C12orf56: variants seen among roughly 807,000 people sequenced by gnomAD.
The protein encoded by C12orf56 is chromosome 12 open reading frame 56.
In C12orf56, 71 loss-of-function variants were observed where a neutral mutation model predicts 69.9. The observed-to-expected ratio is 1.02, with a 90% CI of 0.84 to 1.24. C12orf56 has a LOEUF of 1.24. C12orf56 is among the 50% of genes most tolerant of loss of function. C12orf56 has a pLI of 0.00. For synonymous variants in C12orf56, 276 were observed against 274.1 expected, an observed-to-expected ratio of 1.01 and a Z score of -0.07; for missense variants, 732 against 738.5, an observed-to-expected ratio of 0.99 and a Z score of 0.10.
At chr12:64,381,384 A>G (rs370900803) in intron 1 of C12orf56, among the ~76,000 whole-genome samples, 6 of 152,364 alleles carry the variant, frequency 3.9e-5, no homozygotes, top group African/African-American at 1.4e-4. Context: ...AGAATCTTGT[A>G]GCCTCCAGCT....
intron 2 of C12orf56, among the ~76,000 whole-genome samples, chr12:64,334,607 A>G (rs2038969848): frequency 6.6e-6 from 1 of 152,206 alleles, no homozygotes; most frequent in African/African-American, 2.4e-5. Context: ...GTACATGTAC[A>G]ACACAGATGC....
chr12:64,328,572 C>T lies in C12orf56; in HGVS notation c.488+2388G>A, dbSNP rs1003641787. 1.1e-4 allele frequency among the ~76,000 whole-genome samples: 16 copies of T among 149,762 alleles called. No homozygotes were observed. In the East Asian group the frequency reaches 2.4e-3, roughly 22 times the overall value. ...GCGGGCGCCTGTAATCCCAGCTACT[C>T]GGGAGGCTGAGGCAGGAGAATCACT... On this transcript the variant is annotated intron_variant, in intron 3 of 12. Coordinates refer to ENST00000543942, the MANE Select transcript of C12orf56 (RefSeq NM_001170633.2).
chr12:64,339,161 C>T (rs1371342115), intron 2 of C12orf56, among the ~76,000 whole-genome samples: 3 of 152,124 alleles, frequency 2.0e-5, no homozygotes, highest in African/African-American at 7.2e-5. Flanking sequence ...TATGAAGTTT[C>T]CCCTGCCATG....
At chr12:64,369,433 A>C (rs1248488517) in intron 1 of C12orf56, among the ~76,000 whole-genome samples, 2 of 152,088 alleles carry the variant, frequency 1.3e-5, no homozygotes, top group Admixed American at 1.3e-4. Flanking sequence ...CCTGACTACA[A>C]GCGATCTGCC....
chr12:64,336,034 G>T (rs1341026921), intron 2 of C12orf56, among the ~76,000 whole-genome samples: 1 of 152,186 alleles, frequency 6.6e-6, no homozygotes, highest in Non-Finnish European at 1.5e-5. Flanking sequence ...TGGTCGAGTA[G>T]GTTTGGGCCT....
At chr12:64,323,565 CTT>C (rs375927934) in intron 3 of C12orf56, among the ~76,000 whole-genome samples, 18 of 130,754 alleles carry the variant, frequency 1.4e-4, no homozygotes, top group Admixed American at 3.2e-4. Flanking sequence ...CAAACATTTC[CTT>C]TTTTTTTTTT....
intron 4 of C12orf56, among the ~76,000 whole-genome samples, chr12:64,318,207 C>T (rs942317550): frequency 3.3e-5 from 5 of 151,904 alleles, no homozygotes; most frequent in Non-Finnish European, 5.9e-5. Flanking sequence ...ATTACCGGCG[C>T]GCACCACCAC....
At chr12:64,314,430 G>A (rs2038663636) in intron 4 of C12orf56, among the ~76,000 whole-genome samples, 1 of 152,068 alleles carries the variant, frequency 6.6e-6, no homozygotes, top group Non-Finnish European at 1.5e-5. Flanking sequence ...GTATTCCATA[G>A]CATAGATACA....
chr12:64,308,967 GAAAGA>G (rs1260558675), intron 5 of C12orf56, among the ~76,000 whole-genome samples: 9 of 117,284 alleles, frequency 7.7e-5, no homozygotes, highest in South Asian at 2.8e-4. Flanking sequence ...AAGAAAGAAA[GAAAGA>G]AAAGAAAGAA....
chr12:64,370,783 T>C (rs1401261410), intron 1 of C12orf56, among the ~76,000 whole-genome samples: 1 of 152,152 alleles, frequency 6.6e-6, no homozygotes, highest in African/African-American at 2.4e-5. Flanking sequence ...TTAAAATATA[T>C]TATAAAGCTC....
chr12:64,385,663 T>C (rs2039779032), intron 1 of C12orf56, among the ~76,000 whole-genome samples: 1 of 152,022 alleles, frequency 6.6e-6, no homozygotes, highest in African/African-American at 2.4e-5. Flanking sequence ...ACAGCTTCCA[T>C]ACCCTATGAT....
chr12:64,365,907 G>A (rs570672154), intron 1 of C12orf56, among the ~76,000 whole-genome samples: 1,461 of 132,150 alleles, frequency 0.011, 26 homozygotes, highest in African/African-American at 0.039. Context: ...TATACATTAT[G>A]TATAGTGTAT....
intron 1 of C12orf56, among the ~76,000 whole-genome samples, chr12:64,377,677 G>A (rs569672716): frequency 2.6e-5 from 4 of 151,674 alleles, no homozygotes; most frequent in Admixed American, 6.6e-5. Context: ...TAATTTCAGA[G>A]AAAAAAAGAC....
At position 64,270,668 on chromosome 12, in the gene C12orf56, G is replaced by A. The variant is rs373187432; in HGVS notation, c.1631C>T (p.Ser544Leu). 43 of 1,612,994 alleles carry A rather than the reference G, an allele frequency of 2.7e-5. No homozygotes were observed. The highest frequency in any genetic ancestry group is 3.6e-5 in the Non-Finnish European group (42 of 1,179,670). Reference protein sequence around the residue: ...SIVKQVVRGLSASFQLLSPCQ... With the variant: ...SIVKQVVRGLLASFQLLSPCQ... Reference sequence around the variant, plus strand: ...GGGACTTAGCAGCTGAAATGAAGCTGAAAGACCCCTCACCACTTGTTTCAC... The same window carrying A: ...GGGACTTAGCAGCTGAAATGAAGCTAAAAGACCCCTCACCACTTGTTTCAC... The change falls in exon 12 of 13, where the codon TCA becomes TTA. Residue 544 changes from serine (S) to leucine (L), a missense_variant. Coordinates refer to ENST00000543942, the MANE Select transcript of C12orf56 (RefSeq NM_001170633.2).
chr12:64,293,217 C>G (rs559932110), intron 6 of C12orf56: 1 of 152,124 alleles, frequency 6.6e-6, no homozygotes, highest in Non-Finnish European at 1.5e-5. Flanking sequence ...TGCTCGCGCA[C>G]GGTGCGCGCA....
intron 1 of C12orf56, among the ~76,000 whole-genome samples, chr12:64,371,816 T>G (rs747582676): frequency 5.3e-5 from 8 of 151,568 alleles, no homozygotes; most frequent in Non-Finnish European, 1.0e-4. Context: ...GGTGACAGAG[T>G]GGGACTCTGT....
At chr12:64,362,546 G>A (rs143888656) in intron 1 of C12orf56, among the ~76,000 whole-genome samples, 2 of 152,222 alleles carry the variant, frequency 1.3e-5, no homozygotes, top group East Asian at 1.9e-4. Flanking sequence ...ACAAAAACTA[G>A]CAAGGCATGG....
At chr12:64,277,100 T>C (rs1174416963) in intron 9 of C12orf56, among the ~76,000 whole-genome samples, 1 of 151,408 alleles carries the variant, frequency 6.6e-6, no homozygotes, top group Non-Finnish European at 1.5e-5. Flanking sequence ...TTTCATCCTT[T>C]AAAAAAAAGT....
chr12:64,309,697 G>C (rs1036169689), intron 5 of C12orf56, among the ~76,000 whole-genome samples: 2 of 152,126 alleles, frequency 1.3e-5, no homozygotes, highest in Non-Finnish European at 2.9e-5. Flanking sequence ...CTTTAGTAGA[G>C]ACAGGGTTTC....
Sources: allele counts gnomAD v4.1 joint callset (sites outside exome capture counted in the v4.1 genomes callset), GRCh38; gene constraint gnomAD v4.1.1; transcripts MANE v1.5; gene names NCBI Gene and HGNC (gene_info 2026-07-23, HGNC 2026-07-21).